The following EPHA4 variants were observed in gnomAD, a reference collection of about 807,000 sequenced individuals.
EPHA4 encodes EPH receptor A4.
A neutral mutation model predicts 108.3 loss-of-function variants in EPHA4; 19 were observed. The observed-to-expected ratio is 0.18, with a 90% CI of 0.12 to 0.26. The LOEUF (loss-of-function observed/expected upper bound fraction) is 0.26. Among genes scored for constraint, EPHA4 ranks in the 10% least tolerant of loss-of-function variants. EPHA4 has a pLI of 1.00. For missense variants in EPHA4, 917 were observed against 1,254.0 expected (o/e 0.73, Z 4.06); for synonymous variants, 449 against 455.5 (o/e 0.99, Z 0.18).
chr2:221,562,181 T>A (rs183391326), intron 3 of EPHA4, among the ~76,000 whole-genome samples: 4 of 151,368 alleles, frequency 2.6e-5, no homozygotes, highest in Non-Finnish European at 5.9e-5. Flanking sequence ...AATTCCAACT[T>A]GTAAACTTTT....
In EPHA4 at chr2:221,483,500, T is replaced by TTGTGTGTGTGTG. The variant is rs58143142; in HGVS notation, c.980-822_980-811dup. On this transcript the variant is annotated intron_variant, in intron 4 of 17. Coordinates refer to ENST00000281821, the MANE Select transcript of EPHA4 (RefSeq NM_004438.5). Reference sequence around the variant, plus strand: ...GAAACTCTTGTTTCTTGATGTAGATTTGTGTGTGTGTGTGTGTGTGTGTGT... The same window carrying TTGTGTGTGTGTG: ...GAAACTCTTGTTTCTTGATGTAGATTTGTGTGTGTGTGTGTGTGTGTGTGTGTGTGTGTGTGT... Among the ~76,000 whole-genome samples the TTGTGTGTGTGTG allele has an allele frequency of 6.0e-3, 856 of 143,786 alleles. 8 individuals are homozygous for TTGTGTGTGTGTG. The highest frequency in any genetic ancestry group is 0.021 in the African/African-American group (817 of 38,692). 94.3% of individuals were successfully genotyped at this position (143,786 alleles called of 152,430 possible). A position where few individuals can be genotyped will look rare whatever the true frequency, so the allele number is the denominator to read the frequency against.
intron 3 of EPHA4, among the ~76,000 whole-genome samples, chr2:221,560,997 C>G (rs1694445099): frequency 6.6e-6 from 1 of 152,194 alleles, no homozygotes; most frequent in South Asian, 2.1e-4. Flanking sequence ...AATCCCAGCA[C>G]TTTGGGAGGC....
chr2:221,543,695 TA>T (rs1291431958), intron 3 of EPHA4, among the ~76,000 whole-genome samples: 1 of 152,216 alleles, frequency 6.6e-6, no homozygotes, highest in Non-Finnish European at 1.5e-5. Context: ...AGTGAAATAT[TA>T]ATCAGCTAAA....
chr2:221,497,800 G>A (rs1234574049), intron 4 of EPHA4, among the ~76,000 whole-genome samples: 1 of 152,132 alleles, frequency 6.6e-6, no homozygotes, highest in African/African-American at 2.4e-5. Context: ...TAAAGTGTAG[G>A]AGAAGGAGTT....
chr2:221,507,451 C>T (rs1692664424), intron 3 of EPHA4, among the ~76,000 whole-genome samples: 1 of 152,064 alleles, frequency 6.6e-6, no homozygotes, highest in Admixed American at 6.5e-5. Flanking sequence ...CAAATTTCTG[C>T]AATTATATAT....
chr2:221,567,083 A>C (rs1477929467), intron 2 of EPHA4, among the ~76,000 whole-genome samples: 6 of 152,110 alleles, frequency 3.9e-5, no homozygotes, highest in Non-Finnish European at 8.8e-5. Context: ...ACTGTACCCT[A>C]AAATGTGTCA....
At chr2:221,428,959 A>C (rs953653921) in intron 15 of EPHA4, among the ~76,000 whole-genome samples, 2 of 151,980 alleles carry the variant, frequency 1.3e-5, no homozygotes, top group South Asian at 4.2e-4. Flanking sequence ...AGTTTTCAGG[A>C]GAAAGATGAG....
chr2:221,567,551 C>T (rs534131870), intron 2 of EPHA4, among the ~76,000 whole-genome samples: 1 of 152,242 alleles, frequency 6.6e-6, no homozygotes, highest in South Asian at 2.1e-4. Context: ...AAACCAATGG[C>T]AGTCAAGTTC....
chr2:221,506,899 C>CT (rs1264570760), intron 3 of EPHA4, among the ~76,000 whole-genome samples: 2 of 152,064 alleles, frequency 1.3e-5, no homozygotes, highest in Non-Finnish European at 2.9e-5. Context: ...TCATTAAGTA[C>CT]TTTTTTGCAA....
intron 5 of EPHA4, among the ~76,000 whole-genome samples, chr2:221,481,389 C>A (rs972301426): frequency 4.4e-5 from 6 of 135,050 alleles, no homozygotes; most frequent in Middle Eastern, 4.3e-3. Context: ...GCTGCAATCA[C>A]GCCTGTAATC....
chr2:221,418,587 C>T lies in EPHA4; in HGVS notation c.*2785G>A, dbSNP rs1375372620. 1 of 152,656 alleles carries T rather than the reference C, an allele frequency of 6.6e-6. No individual in the cohort carries two copies. The highest frequency in any genetic ancestry group is 1.5e-5 in the Non-Finnish European group (1 of 68,046). The allele number at this position is 152,656 out of a possible 1,614,324, so 9.5% of individuals were successfully genotyped here. ...GCACACACCAGCAGTGTAGCGAGCA[C>T]AACCTTTCTTTAAAATAAGAACGTT... On this transcript the variant is annotated 3_prime_UTR_variant, in exon 18 of 18. Coordinates refer to ENST00000281821, the MANE Select transcript of EPHA4 (RefSeq NM_004438.5).
At chr2:221,447,540 C>T (rs939808619) in intron 8 of EPHA4, among the ~76,000 whole-genome samples, 10 of 152,144 alleles carry the variant, frequency 6.6e-5, no homozygotes, top group South Asian at 6.2e-4. Flanking sequence ...TTGTCAGCAG[C>T]GCAAGAACCA....
At chr2:221,497,710 TG>T (rs1312251540) in intron 4 of EPHA4, among the ~76,000 whole-genome samples, 1 of 151,814 alleles carries the variant, frequency 6.6e-6, no homozygotes, top group Non-Finnish European at 1.5e-5. Context: ...CACTCCAGCC[TG>T]GGTGACAGAG....
At position 221,570,318 on chromosome 2, in the gene EPHA4, C is replaced by T. The variant is rs1447617450; in HGVS notation, c.92-1533G>A. Among the ~76,000 whole-genome samples the T allele has an allele frequency of 9.0e-5, 3 of 33,436 alleles. No individual in the cohort carries two copies. The East Asian group carries it at 1.8e-3, about 20-fold the overall frequency. 21.9% of individuals were successfully genotyped at this position (33,436 alleles called of 152,430 possible). On this transcript the variant is annotated intron_variant, in intron 1 of 17. Transcript: ENST00000281821. ...GTCTTGGGCTCCCAAGTTTTTCTCC[C>T]CCCCCCCCAAAAAAAGAGGGGGTTT...
intron 9 of EPHA4, among the ~76,000 whole-genome samples, chr2:221,444,522 C>T (rs1237702099): frequency 6.6e-6 from 1 of 152,088 alleles, no homozygotes; most frequent in South Asian, 2.1e-4. Flanking sequence ...TAGGAATAAG[C>T]TCCTTAAATT....
intron 11 of EPHA4, among the ~76,000 whole-genome samples, chr2:221,442,074 A>T (rs979178698): frequency 1.3e-5 from 2 of 152,220 alleles, no homozygotes; most frequent in Admixed American, 1.3e-4. Context: ...CAGGGGACAC[A>T]GCCCCAGGCT....
chr2:221,469,535 G>C (rs1470085927), intron 5 of EPHA4, among the ~76,000 whole-genome samples: 1 of 152,108 alleles, frequency 6.6e-6, no homozygotes, highest in African/African-American at 2.4e-5. Flanking sequence ...ATATTTGCAA[G>C]GTGCCAGCTC....
At chr2:221,427,125 G>C (rs754441112) in intron 15 of EPHA4, among the ~76,000 whole-genome samples, 6 of 152,210 alleles carry the variant, frequency 3.9e-5, no homozygotes, top group Non-Finnish European at 7.3e-5. Flanking sequence ...TTCCAGCCTA[G>C]TCTACAGGCA....
chr2:221,526,924 C>T (rs1693345162), intron 3 of EPHA4, among the ~76,000 whole-genome samples: 1 of 123,902 alleles, frequency 8.1e-6, no homozygotes, highest in Non-Finnish European at 1.7e-5. Context: ...TTAAAATGAG[C>T]AGTATTAAAA....
Sources: gnomAD v4.1 joint callset for allele counts (sites outside exome capture counted in the v4.1 genomes callset) on GRCh38, gnomAD v4.1.1 for gene constraint, MANE v1.5 for transcripts, NCBI Gene and HGNC (gene_info 2026-07-23, HGNC 2026-07-21) for gene names.